The following SERINC4 variants were observed in gnomAD, a reference collection of about 807,000 sequenced individuals.
SERINC4 encodes the protein serine incorporator 4.
SERINC4 carries 52 observed loss-of-function variants against 52.0 expected under a neutral mutation model. The observed-to-expected ratio is 1.00, with a 90% CI of 0.80 to 1.26. The LOEUF is 1.26. SERINC4 is among the 50% of genes most tolerant of loss of function. The probability of loss-of-function intolerance (pLI) is 0.00; values close to 1 mark genes in which losing one functional copy is unlikely to be tolerated. For missense variants in SERINC4, 723 were observed against 632.8 expected, an observed-to-expected ratio of 1.14 and a Z score of -1.53; for synonymous variants, 264 against 247.7, an observed-to-expected ratio of 1.07 and a Z score of -0.62.
At chr15:43,796,257 T>TCCC (rs2087213638) in intron 8 of SERINC4, 30 bp from the exon 9 acceptor site, 3 of 1,567,042 alleles carry the variant, frequency 1.9e-6, no homozygotes, top group African/African-American at 1.4e-5. Flanking sequence ...TTAAGCTGGT[T>TCCC]TAGTTAAATA....
At chr15:43,797,754 G>A (rs769408970) in intron 5 of SERINC4, 166 bp downstream of exon 5, 1 of 600,154 alleles carries the variant, frequency 1.7e-6, no homozygotes, top group Non-Finnish European at 3.0e-6. Context: ...GGTGTGACTA[G>A]CCATCCTACT....
In SERINC4 at chr15:43,795,007, G is replaced by A; in HGVS notation, c.1550C>T (p.Pro517Leu). 1 of 1,610,318 alleles carries A rather than the reference G, an allele frequency of 6.2e-7. No homozygotes were observed. The highest frequency in any genetic ancestry group is 8.5e-7 in the Non-Finnish European group (1 of 1,179,022). The change falls in exon 12 of 12, where the codon CCA becomes CTA. Residue 517 changes from proline (P) to leucine (L), a missense_variant. Physicochemically the swap from Pro to Leu is moderately conservative, Grantham distance 98 (BLOSUM62 -3). Transcript: ENST00000319327. ...RIISPDNKYP[P>L]V The stretch of plus-strand genomic sequence containing the variant: ...CCAGTTTGTGAAAAGGACTTAGACT[G>A]GAGGATATTTGTTATCTGGGGATAT...
chr15:43,798,570 T>A (rs2087257030), intron 3 of SERINC4, 66 bp from the exon 4 acceptor site: 2 of 1,242,536 alleles, frequency 1.6e-6, no homozygotes, highest in African/African-American at 3.0e-5. Flanking sequence ...AGAGTGCCTA[T>A]GGGGAAAGGC....
At position 43,794,778 on chromosome 15, in the gene SERINC4, C is replaced by G. The variant is rs567095907; in HGVS notation, c.*222G>C. 5 of 515,420 alleles carry G rather than the reference C, an allele frequency of 9.7e-6. No individual in the cohort carries two copies. The East Asian group carries it at 1.2e-4, about 13-fold the overall frequency. 31.9% of individuals were successfully genotyped at this position (515,420 alleles called of 1,614,324 possible). A position where few individuals can be genotyped will look rare whatever the true frequency, so the allele number is the denominator to read the frequency against. On this transcript the variant is annotated 3_prime_UTR_variant, in exon 12 of 12. Transcript: ENST00000319327. ...GAGCTGCTGATTTGGGTGTTAGGCT[C>G]TTGAGCTGGGATGCAGATGTAACAG...
At chr15:43,795,606 T>C (rs2087194791) in intron 10 of SERINC4, 65 bp from the exon 11 acceptor site, 1 of 1,610,774 alleles carries the variant, frequency 6.2e-7, no homozygotes, top group South Asian at 1.1e-5. Context: ...CTCCCCCAAC[T>C]ACCTTTGTTA....
Position 43,797,257 on chromosome 15 carries a change from G to T in SERINC4, c.732C>A (p.Phe244Leu). Residue 244 changes from phenylalanine (F) to leucine (L), a missense_variant, in exon 6 of 12, where the codon TTC (phenylalanine) becomes TTA (leucine). Physicochemically the swap from Phe to Leu is conservative, Grantham distance 22. Coordinates refer to ENST00000319327, the MANE Select transcript of SERINC4 (RefSeq NM_001258031.2). The part of the protein sequence containing the change: ...SMAGVGAVLL[F>L]HYYTHPAGCL... Reference sequence around the variant, plus strand: ...AGCCAGCTGGGTGTGTATAATAGTGGAATAGGAGCACAGCTCCCACACCTG... The same window carrying T: ...AGCCAGCTGGGTGTGTATAATAGTGTAATAGGAGCACAGCTCCCACACCTG... The T allele has an allele frequency of 6.5e-7, 1 of 1,550,376 alleles. No homozygotes were observed. Among genetic ancestry groups the T allele is most frequent in the African/African-American group, 1.4e-5 (1 of 73,140 alleles).
Position 43,796,801 on chromosome 15 carries a change from C to CA in SERINC4, c.940+43dup, listed in dbSNP as rs770688042. ...CAATGAGCTAGGTATTTGGCAGGGG[C>CA]AAAAAAAGGTCTTAGCATGGAGAAT... On this transcript the variant is annotated intron_variant, in intron 7 of 11. Transcript: ENST00000319327. 5 of 1,609,092 alleles carry CA rather than the reference C, an allele frequency of 3.1e-6. No individual in the cohort carries two copies. The South Asian group carries it at 3.3e-5, about 11-fold the overall frequency.
Position 43,800,087 on chromosome 15 carries a change from T to G in SERINC4, c.-101A>C. ...CATTGGACTGCCACTGTGTTGGGGC[T>G]GAGCACCCGGTCCCGGGCAGAATGG... On this transcript the variant is annotated 5_prime_UTR_variant, in exon 1 of 12. Coordinates refer to ENST00000319327, the MANE Select transcript of SERINC4 (RefSeq NM_001258031.2). 4 of 887,006 alleles carry G rather than the reference T, an allele frequency of 4.5e-6. No homozygotes were observed. The highest frequency in any genetic ancestry group is 6.7e-6 in the Non-Finnish European group (4 of 600,126). 54.9% of individuals were successfully genotyped at this position (887,006 alleles called of 1,614,324 possible).
intron 5 of SERINC4, 38 bp from the exon 6 acceptor site, chr15:43,797,394 CA>C: frequency 1.4e-6 from 2 of 1,401,866 alleles, no homozygotes; most frequent in South Asian, 1.3e-5. Flanking sequence ...GGAGCTCCAG[CA>C]TTTTTTTTTT....
chr15:43,796,272 T>G, intron 8 of SERINC4, 45 bp from the exon 9 acceptor site: 1 of 1,459,668 alleles, frequency 6.9e-7, no homozygotes, highest in Non-Finnish European at 9.6e-7. Context: ...TAAATAGGGA[T>G]TATCTGGGGG....
At chr15:43,798,199 G>T (rs371981672) in intron 4 of SERINC4, 186 bp from the exon 5 acceptor site, 7 of 609,964 alleles carry the variant, frequency 1.1e-5, no homozygotes, top group African/African-American at 1.1e-4. Context: ...ACAGGTGCGT[G>T]CCACCATGCC....
chr15:43,796,642 GATGCTAGCACTCAGC>G lies in SERINC4; in HGVS notation c.1026_1040del (p.Met342_Ser346del). 6.2e-7 allele frequency: 1 copy of G among 1,614,018 alleles called. No individual in the cohort carries two copies. On this transcript the variant is annotated inframe_deletion, in exon 8 of 12. Transcript: ENST00000319327. ...AAGCAAAAAGCACACAAGCATACAT[GATGCTAGCACTCAGC>G]ATTGCTAGAGAGATATCTGGTGTTT...
At chr15:43,795,253 C>G (rs1567170348) in intron 11 of SERINC4, 40 bp from the exon 12 acceptor site, 1 of 1,607,284 alleles carries the variant, frequency 6.2e-7, no homozygotes, top group East Asian at 2.2e-5. Flanking sequence ...TATGAAGGGC[C>G]TTAGCTTTTA....
chr15:43,796,645 G>A lies in SERINC4; in HGVS notation c.1038C>T (p.Ser346=), dbSNP rs907878101. ...CAAAAAGCACACAAGCATACATGAT[G>A]CTAGCACTCAGCATTGCTAGAGAGA... The part of the protein sequence containing the change: ...PDISLAMLSA[S]IMYACVLFAC... The change falls in exon 8 of 12, where the codon AGC becomes AGT. Residue 346 remains serine (S), a synonymous_variant. Coordinates refer to ENST00000319327, the MANE Select transcript of SERINC4 (RefSeq NM_001258031.2). The A allele has an allele frequency of 1.2e-6, 2 of 1,614,042 alleles. No homozygotes were observed. The highest frequency in any genetic ancestry group is 1.1e-5 in the South Asian group (1 of 91,084).
chr15:43,797,533 C>T, intron 5 of SERINC4, 177 bp from the exon 6 acceptor site: 1 of 588,034 alleles, frequency 1.7e-6, no homozygotes, highest in South Asian at 2.0e-5. Context: ...GCTGGGATTA[C>T]AGGCACCTAC....
At chr15:43,796,548 G>A (rs2087219888) in intron 8 of SERINC4, 68 bp downstream of exon 8, 1 of 1,541,204 alleles carries the variant, frequency 6.5e-7, no homozygotes, top group Non-Finnish European at 8.9e-7. Flanking sequence ...CCCAGACATT[G>A]TCCTGACCAT....
rs1466303176 is a variant in SERINC4, at chr15:43,799,706, C to T, written c.102+179G>A. ...TTCATTATAAGCAGGCTTGAGATAT[C>T]TGACCTTTCTCTCGACCTAAACACC... On this transcript the variant is annotated intron_variant, in intron 1 of 11. Coordinates refer to ENST00000319327, the MANE Select transcript of SERINC4 (RefSeq NM_001258031.2). 6 of 814,428 alleles carry T rather than the reference C, an allele frequency of 7.4e-6. No homozygotes were observed. The East Asian group carries it at 1.3e-4, about 18-fold the overall frequency. The allele number at this position is 814,428 out of a possible 1,614,324, so 50.5% of individuals were successfully genotyped here.
At position 43,799,916 on chromosome 15, in the gene SERINC4, C is replaced by T; in HGVS notation, c.71G>A (p.Ser24Asn). The change falls in exon 1 of 12, where the codon AGC (serine) becomes AAC (asparagine). Residue 24 changes from serine to asparagine, a missense_variant. Transcript: ENST00000319327. ...GAAGGGACTTTTCACTAGGACACTG[C>T]TGCCTCCGCTGTGCTGCTGTGCCAG... ...LGLAQQHSGGSSVLVKSPFCQ... is the reference protein window; with the variant it reads ...LGLAQQHSGGNSVLVKSPFCQ... 6.5e-7 allele frequency: 1 copy of T among 1,549,624 alleles called. No individual in the cohort carries two copies.
At position 43,797,334 on chromosome 15, in the gene SERINC4, A is replaced by G. The variant is rs1166728924; in HGVS notation, c.655T>C (p.Cys219Arg). ...AGCAGGACAGCCAGGAACCAGCTAC[A>G]GTCTTGAGCTGCACCTGTCTGCCTA... is the stretch of plus-strand genomic sequence containing the variant. ...KNWQTGAAQD[C>R]SWFLAVLLAT... Residue 219 changes from cysteine (C) to arginine (R), a missense_variant, in exon 6 of 12, where the codon TGT (cysteine) becomes CGT (arginine). Coordinates refer to ENST00000319327, the MANE Select transcript of SERINC4 (RefSeq NM_001258031.2). The G allele has an allele frequency of 1.3e-6, 2 of 1,548,542 alleles. No individual in the cohort carries two copies. The highest frequency in any genetic ancestry group is 1.2e-5 in the South Asian group (1 of 83,954).
Sources: gnomAD v4.1 joint callset for allele counts on GRCh38, gnomAD v4.1.1 for gene constraint, MANE v1.5 for transcripts, NCBI Gene and HGNC (gene_info 2026-07-23, HGNC 2026-07-21) for gene names.